The following SPRY3 variants were observed in gnomAD, a reference collection of about 807,000 sequenced individuals.
The protein encoded by SPRY3 is sprouty RTK signaling antagonist 3.
SPRY3 carries 15 observed loss-of-function variants against 20.2 expected under a neutral mutation model. The ratio of observed to expected loss-of-function variants is 0.74; its 90% CI spans 0.50 to 1.14. The LOEUF (loss-of-function observed/expected upper bound fraction) is 1.14. Among genes scored for constraint, SPRY3 ranks in the 50% most tolerant of loss-of-function variants. SPRY3 has a pLI of 0.00. For missense variants in SPRY3, 364 were observed against 363.9 expected (o/e 1.00, Z 0.00); for synonymous variants, 143 against 136.5 (o/e 1.05, Z -0.33).
chrX:155,715,369 T>C (rs1230709222), intron 2 of SPRY3, among the ~76,000 whole-genome samples: 1 of 152,128 alleles, frequency 6.6e-6, no homozygotes, highest in Non-Finnish European at 1.5e-5. Context: ...AGAAATGTTG[T>C]CTGGGAGGTA....
intron 2 of SPRY3, among the ~76,000 whole-genome samples, chrX:155,688,101 G>A (rs1603136200): frequency 1.1e-5 from 1 of 89,894 alleles, no homozygotes; most frequent in Non-Finnish European, 2.0e-5. Flanking sequence ...TATTCTCATC[G>A]TTCAGCTCCC....
intron 2 of SPRY3, among the ~76,000 whole-genome samples, chrX:155,692,975 AT>A (rs1379245667): frequency 5.8e-4 from 63 of 109,564 alleles, no homozygotes; most frequent in African/African-American, 2.0e-3. Flanking sequence ...TCTTTAATTT[AT>A]TTATTACGTT....
At chrX:155,722,413 C>T (rs1275563856) in intron 2 of SPRY3, among the ~76,000 whole-genome samples, 4 of 152,018 alleles carry the variant, frequency 2.6e-5, no homozygotes, top group South Asian at 2.1e-4. Context: ...CCCAGCTACT[C>T]AGGAGGCTGA....
intron 2 of SPRY3, among the ~76,000 whole-genome samples, chrX:155,672,421 T>C (rs1468172798): frequency 9.0e-6 from 1 of 110,973 alleles, no homozygotes; most frequent in Non-Finnish European, 1.9e-5. Flanking sequence ...AACAGACATT[T>C]CTCAAAAGAA....
intron 2 of SPRY3, among the ~76,000 whole-genome samples, chrX:155,680,519 G>A (rs2068071570): frequency 9.0e-6 from 1 of 110,808 alleles, no homozygotes; most frequent in East Asian, 2.9e-4. Context: ...ATGGATGGCA[G>A]GATTGTTTGC....
At chrX:155,736,141 A>G (rs2091167649) in intron 2 of SPRY3, among the ~76,000 whole-genome samples, 1 of 151,934 alleles carries the variant, frequency 6.6e-6, no homozygotes, top group African/African-American at 2.4e-5. Context: ...TCTGTCATAT[A>G]TTTCACTTAT....
intron 2 of SPRY3, among the ~76,000 whole-genome samples, chrX:155,725,178 C>A (rs1404140749): frequency 6.6e-6 from 1 of 152,126 alleles, no homozygotes; most frequent in African/African-American, 2.4e-5. Flanking sequence ...CCAACTTGAT[C>A]ATGGTGGATA....
chrX:155,694,512 C>T (rs756684321), intron 2 of SPRY3, among the ~76,000 whole-genome samples: 21 of 111,110 alleles, frequency 1.9e-4, no homozygotes, highest in Non-Finnish European at 4.0e-4. Flanking sequence ...TTTCCATGGA[C>T]CGGGGTGGGT....
At chrX:155,733,269 C>CTA (rs201230920) in intron 2 of SPRY3, among the ~76,000 whole-genome samples, 15 of 149,994 alleles carry the variant, frequency 1.0e-4, no homozygotes, top group Middle Eastern at 3.5e-3. Context: ...ACCATATACC[C>CTA]TATATATATA....
chrX:155,750,196 CAT>C (rs889548359), intron 2 of SPRY3, among the ~76,000 whole-genome samples: 7 of 151,876 alleles, frequency 4.6e-5, no homozygotes, highest in South Asian at 2.1e-4. Flanking sequence ...CCAAATACCA[CAT>C]GTTCTCACTT....
chrX:155,727,161 C>G (rs1307003614), intron 2 of SPRY3, among the ~76,000 whole-genome samples: 1 of 152,138 alleles, frequency 6.6e-6, no homozygotes, highest in African/African-American at 2.4e-5. Context: ...AGGGTTTCTG[C>G]CAAGAGATCC....
chrX:155,725,452 C>T (rs1303751881), intron 2 of SPRY3, among the ~76,000 whole-genome samples: 4 of 151,998 alleles, frequency 2.6e-5, no homozygotes, highest in Non-Finnish European at 5.9e-5. Context: ...TGGTCCTGGA[C>T]GTTTTTTTGG....
intron 2 of SPRY3, among the ~76,000 whole-genome samples, chrX:155,753,440 C>A (rs1043608455): frequency 2.0e-5 from 3 of 151,840 alleles, no homozygotes; most frequent in African/African-American, 7.3e-5. Context: ...CCTTTTGTGT[C>A]TAGAAAATAT....
intron 2 of SPRY3, among the ~76,000 whole-genome samples, chrX:155,741,399 G>A (rs766755003): frequency 5.9e-4 from 90 of 152,158 alleles, no homozygotes; most frequent in Non-Finnish European, 8.7e-4. Flanking sequence ...AAAGAGATGC[G>A]GAGAACAGAA....
In SPRY3 at chrX:155,759,141, T is replaced by A. The variant is rs1412765075; in HGVS notation, c.-281-8821T>A. On this transcript the variant is annotated intron_variant, in intron 2 of 3. Transcript: ENST00000675360. ...AGTGGCACAATCTCACTGCAACCTC[T>A]GCCTCCCGAGTAGCTGGGATTACAA... Among the ~76,000 whole-genome samples the A allele has an allele frequency of 2.6e-5, 4 of 151,744 alleles. No homozygotes were observed. The East Asian group carries it at 5.8e-4, about 22-fold the overall frequency.
At chrX:155,673,323 A>C (rs1176816184) in intron 2 of SPRY3, among the ~76,000 whole-genome samples, 1 of 111,170 alleles carries the variant, frequency 9.0e-6, no homozygotes, top group East Asian at 2.8e-4. Flanking sequence ...GACAATGAGC[A>C]TGATTTGCTT....
intron 2 of SPRY3, among the ~76,000 whole-genome samples, chrX:155,673,494 G>A (rs2068050166): frequency 9.0e-6 from 1 of 111,541 alleles, no homozygotes; most frequent in Non-Finnish European, 1.9e-5. Context: ...AGAGATTTCT[G>A]GCTGAAGTTT....
At chrX:155,748,586 C>T (rs2091241146) in intron 2 of SPRY3, among the ~76,000 whole-genome samples, 1 of 151,688 alleles carries the variant, frequency 6.6e-6, no homozygotes, top group South Asian at 2.1e-4. Flanking sequence ...TGAATTCTTC[C>T]TCTATAAATG....
chrX:155,751,155 T>C (rs2091260316), intron 2 of SPRY3, among the ~76,000 whole-genome samples: 1 of 151,788 alleles, frequency 6.6e-6, no homozygotes. Context: ...CAGGAAAAGA[T>C]GGCTTGAAAA....
Sources: gnomAD v4.1 joint callset for allele counts (sites outside exome capture counted in the v4.1 genomes callset) on GRCh38, gnomAD v4.1.1 for gene constraint, MANE v1.5 for transcripts, NCBI Gene and HGNC (gene_info 2026-07-23, HGNC 2026-07-21) for gene names.